Variants in ALG6 observed in about 807,000 individuals in gnomAD.
ALG6 encodes the protein ALG6 alpha-1,3-glucosyltransferase, also known as dolichyl pyrophosphate Man9GlcNAc2 alpha-1,3-glucosyltransferase.
ALG6 carries 46 observed loss-of-function variants against 66.6 expected under a neutral mutation model. That is an observed-to-expected ratio of 0.69 (90% confidence interval 0.55 to 0.88). The LOEUF (loss-of-function observed/expected upper bound fraction) is 0.88, where lower values mean the gene tolerates loss of function less well. Ranked by LOEUF, ALG6 falls within the 40% of genes least tolerant of loss-of-function variation. The probability of loss-of-function intolerance (pLI) is 0.00; values close to 1 mark genes in which losing one functional copy is unlikely to be tolerated. For synonymous variants in ALG6, 185 were observed against 203.7 expected, an observed-to-expected ratio of 0.91 and a Z score of 0.78; for missense variants, 505 against 586.8, an observed-to-expected ratio of 0.86 and a Z score of 1.44.
intron 2 of ALG6, among the ~76,000 whole-genome samples, chr1:63,371,625 T>TA (rs1377925024): frequency 6.6e-6 from 1 of 151,724 alleles, no homozygotes; most frequent in African/African-American, 2.4e-5. Flanking sequence ...ATTTTTTTGA[T>TA]ACGGAGCCTC....
At chr1:63,418,358 G>A (rs984055053) in intron 11 of ALG6, among the ~76,000 whole-genome samples, 8 of 149,984 alleles carry the variant, frequency 5.3e-5, no homozygotes, top group African/African-American at 2.0e-4. Context: ...AATAGTATTT[G>A]AGCCAAGAAG....
At chr1:63,416,405 A>G (rs1570075077) in intron 11 of ALG6, among the ~76,000 whole-genome samples, 1 of 152,294 alleles carries the variant, frequency 6.6e-6, no homozygotes, top group East Asian at 1.9e-4. Flanking sequence ...AGCAGGTTAT[A>G]TAGCAGAAGA....
chr1:63,375,540 G>A (rs377600203), intron 2 of ALG6, among the ~76,000 whole-genome samples: 6 of 151,632 alleles, frequency 4.0e-5, no homozygotes, highest in South Asian at 2.1e-4. Flanking sequence ...GATTACAGGC[G>A]TGAGCCACCA....
At position 63,437,015 on chromosome 1, in the gene ALG6, A is replaced by C; in HGVS notation, c.1519A>C (p.Ser507Arg). ...SKSGRNQKKIS is the reference protein window; with the variant it reads ...SKSGRNQKKIR Reference sequence around the variant, plus strand: ...AAGTGGAAGAAATCAGAAGAAAATCAGCTAGCTGTATTCCTAAACAAATTG... The same window carrying C: ...AAGTGGAAGAAATCAGAAGAAAATCCGCTAGCTGTATTCCTAAACAAATTG... Residue 507 changes from serine to arginine, a missense_variant, in exon 15 of 15, where the codon AGC (serine) becomes CGC (arginine). Coordinates refer to ENST00000263440, the MANE Select transcript of ALG6 (RefSeq NM_013339.4). 6.2e-7 allele frequency: 1 copy of C among 1,612,174 alleles called. No homozygotes were observed.
chr1:63,434,419 A>C (rs1644667140), intron 14 of ALG6, among the ~76,000 whole-genome samples: 1 of 152,126 alleles, frequency 6.6e-6, no homozygotes, highest in Admixed American at 6.6e-5. Flanking sequence ...GGCAGTCGGG[A>C]GTATGAGGAG....
At chr1:63,418,416 A>C (rs1644556231) in intron 11 of ALG6, among the ~76,000 whole-genome samples, 1 of 151,880 alleles carries the variant, frequency 6.6e-6, no homozygotes, top group Non-Finnish European at 1.5e-5. Context: ...CTGGGCCCTG[A>C]CTTGATAGAA....
intron 1 of ALG6, among the ~76,000 whole-genome samples, chr1:63,370,456 T>C (rs1290248431): frequency 2.0e-5 from 3 of 152,230 alleles, no homozygotes; most frequent in Non-Finnish European, 4.4e-5. Context: ...TAGGTGAATG[T>C]GTTCTAAATA....
At chr1:63,372,861 T>C (rs1361674680) in intron 2 of ALG6, among the ~76,000 whole-genome samples, 1 of 152,116 alleles carries the variant, frequency 6.6e-6, no homozygotes, top group Non-Finnish European at 1.5e-5. Context: ...GGTTTCACCA[T>C]GTTGGTCAGG....
At chr1:63,385,829 C>T (rs1042893353) in intron 2 of ALG6, among the ~76,000 whole-genome samples, 6 of 152,052 alleles carry the variant, frequency 3.9e-5, no homozygotes, top group African/African-American at 1.2e-4. Context: ...TGTCTGATTG[C>T]GCTAGCTAAG....
At position 63,437,155 on chromosome 1, in the gene ALG6, G is replaced by GA; in HGVS notation, c.*139dup. Reference sequence around the variant, plus strand: ...ATGGAACCACAGGAAAGGAAATGGTGAAAAGTCATTGTTGTCTACACAAAA... The same window carrying GA: ...ATGGAACCACAGGAAAGGAAATGGTGAAAAAGTCATTGTTGTCTACACAAAA... On this transcript the variant is annotated 3_prime_UTR_variant, in exon 15 of 15. Transcript: ENST00000263440. The GA allele has an allele frequency of 7.5e-6, 6 of 799,420 alleles. No homozygotes were observed. The highest frequency in any genetic ancestry group is 1.2e-5 in the Non-Finnish European group (6 of 500,928). The allele number at this position is 799,420 out of a possible 1,614,324, so 49.5% of individuals were successfully genotyped here.
intron 12 of ALG6, among the ~76,000 whole-genome samples, chr1:63,425,650 T>C (rs1557596465): frequency 6.6e-6 from 1 of 152,132 alleles, no homozygotes; most frequent in Non-Finnish European, 1.5e-5. Context: ...GTGAGACCAG[T>C]TAGTATGGGT....
At position 63,370,877 on chromosome 1, in the gene ALG6, G is replaced by A; in HGVS notation, c.-101G>A. 1.2e-6 allele frequency: 1 copy of A among 801,200 alleles called. No homozygotes were observed. The highest frequency in any genetic ancestry group is 2.3e-6 in the Non-Finnish European group (1 of 443,288). The allele number at this position is 801,200 out of a possible 1,614,324, so 49.6% of individuals were successfully genotyped here. The stretch of plus-strand genomic sequence containing the variant: ...AAGAATCGATAACATTTCAAGAAGT[G>A]ATAACATTTCTCTGAACAAGAAAAG... On this transcript the variant is annotated 5_prime_UTR_variant, in exon 2 of 15. Coordinates refer to ENST00000263440, the MANE Select transcript of ALG6 (RefSeq NM_013339.4).
At chr1:63,402,223 A>G in intron 3 of ALG6, 31 bp from the exon 4 acceptor site, 1 of 1,284,392 alleles carries the variant, frequency 7.8e-7, no homozygotes, top group South Asian at 1.2e-5. Context: ...TGATTAACGG[A>G]ATGGTGCTTT....
At chr1:63,385,184 C>CTTTTTTTTTT (rs1165046824) in intron 2 of ALG6, among the ~76,000 whole-genome samples, 6 of 58,944 alleles carry the variant, frequency 1.0e-4, no homozygotes, top group Non-Finnish European at 1.9e-4. Flanking sequence ...TTTACTTCTT[C>CTTTTTTTTTT]TTTTTTTTTT....
rs577121907 is a variant in ALG6, at chr1:63,419,575, G to C, written c.1058+135G>C. 9.2e-5 allele frequency: 65 copies of C among 703,600 alleles called. No individual in the cohort carries two copies. The South Asian group carries it at 1.8e-3, about 19-fold the overall frequency. The allele number at this position is 703,600 out of a possible 1,614,324, so 43.6% of individuals were successfully genotyped here. On this transcript the variant is annotated intron_variant, in intron 12 of 14. Transcript: ENST00000263440. ...TTGCATAAAATGATTTCATAGTCAG[G>C]TTTTTTTCCAGAATTTTTGATTTTC...
chr1:63,383,578 G>C (rs1357432451), intron 2 of ALG6, among the ~76,000 whole-genome samples: 1 of 152,012 alleles, frequency 6.6e-6, no homozygotes, highest in Non-Finnish European at 1.5e-5. Context: ...ACTGCACCTG[G>C]CTAACATGAA....
At chr1:63,423,500 GTCCCTC>G (rs1334315492) in intron 12 of ALG6, among the ~76,000 whole-genome samples, 1 of 152,090 alleles carries the variant, frequency 6.6e-6, no homozygotes, top group Non-Finnish European at 1.5e-5. Context: ...ACCCAAAGCA[GTCCCTC>G]TCCATTTTCC....
chr1:63,369,488 G>T (rs1647837166), intron 1 of ALG6, among the ~76,000 whole-genome samples: 1 of 151,968 alleles, frequency 6.6e-6, no homozygotes, highest in Non-Finnish European at 1.5e-5. Flanking sequence ...AATTAGCCAG[G>T]CGTGGTGGTG....
At chr1:63,399,919 G>A (rs566445763) in intron 3 of ALG6, among the ~76,000 whole-genome samples, 56 of 151,644 alleles carry the variant, frequency 3.7e-4, no homozygotes, top group Non-Finnish European at 6.6e-4. Context: ...AAGTAAGGCC[G>A]GGCGCAGTGG....
Sources: allele counts gnomAD v4.1 joint callset (sites outside exome capture counted in the v4.1 genomes callset), GRCh38; gene constraint gnomAD v4.1.1; transcripts MANE v1.5; gene names NCBI Gene and HGNC (gene_info 2026-07-23, HGNC 2026-07-21).